Variants in PRKCH observed in about 807,000 individuals in gnomAD.
The protein encoded by PRKCH is protein kinase C eta, also known as protein kinase C eta type.
Under a neutral mutation model 82.5 loss-of-function variants are expected in PRKCH, and 28 were observed. The ratio of observed to expected loss-of-function variants is 0.34; its 90% CI spans 0.25 to 0.47. PRKCH has a LOEUF of 0.47. Ranked by LOEUF, PRKCH falls within the 20% of genes least tolerant of loss-of-function variation. PRKCH has a pLI of 1.00. For missense variants in PRKCH, 705 were observed against 881.8 expected (o/e 0.80, Z 2.54); for synonymous variants, 322 against 327.4 (o/e 0.98, Z 0.18).
intron 1 of PRKCH, among the ~76,000 whole-genome samples, chr14:61,202,612 A>G (rs1165459184): frequency 1.3e-5 from 2 of 152,110 alleles, no homozygotes; most frequent in African/African-American, 4.8e-5. Context: ...TTTTGGTGCT[A>G]TGGACATTTA....
chr14:61,528,973 C>CGTGTGTGTAT (rs2043008217), intron 10 of PRKCH, 102 bp from the exon 11 acceptor site: 2 of 567,222 alleles, frequency 3.5e-6, no homozygotes, highest in Non-Finnish European at 5.2e-6. Flanking sequence ...TGTGGCCGCA[C>CGTGTGTGTAT]GTGTGTGTGT....
intron 1 of PRKCH, among the ~76,000 whole-genome samples, chr14:61,287,163 C>A (rs1171586975): frequency 7.5e-6 from 1 of 133,438 alleles, no homozygotes; most frequent in East Asian, 2.3e-4. Flanking sequence ...TGAGATCACA[C>A]CACTGCACTT....
chr14:61,549,324 A>G (rs374260514), intron 13 of PRKCH, among the ~76,000 whole-genome samples: 150 of 152,362 alleles, frequency 9.8e-4, no homozygotes, highest in Middle Eastern at 3.4e-3. Context: ...TGACAAATAC[A>G]GCTGCACACC....
intron 10 of PRKCH, among the ~76,000 whole-genome samples, chr14:61,496,684 G>A (rs562783552): frequency 6.6e-6 from 1 of 152,316 alleles, no homozygotes; most frequent in South Asian, 2.1e-4. Flanking sequence ...GACTGTGGCT[G>A]TCCAAGCCCA....
At chr14:61,347,209 A>C (rs1306547204) in intron 1 of PRKCH, among the ~76,000 whole-genome samples, 1 of 152,214 alleles carries the variant, frequency 6.6e-6, no homozygotes, top group Non-Finnish European at 1.5e-5. Context: ...TGCCAAGCTA[A>C]AGGAGGGAAT....
At chr14:61,350,382 T>G (rs1473586033) in intron 1 of PRKCH, among the ~76,000 whole-genome samples, 1 of 152,190 alleles carries the variant, frequency 6.6e-6, no homozygotes, top group Non-Finnish European at 1.5e-5. Context: ...ATACAAAACA[T>G]AGAGAAGAGA....
At chr14:61,333,257 A>G (rs2045812814) in intron 1 of PRKCH, among the ~76,000 whole-genome samples, 2 of 152,218 alleles carry the variant, frequency 1.3e-5, no homozygotes, top group South Asian at 2.1e-4. Flanking sequence ...GATGAGAGCT[A>G]TGGAGCTGTT....
rs117376043 is a variant in PRKCH at position 61,310,899 on chromosome 14, G to A, written c.-19+123231G>A. The stretch of plus-strand genomic sequence containing the variant: ...ACTTCTGTGCACCTGCAGGCCCAAC[G>A]CCAAGTGGAAGCTGCCAAGGCTTGG... On this transcript the variant is annotated intron_variant, in intron 1 of 3. Coordinates refer to the PRKCH transcript ENST00000555185. Among the ~76,000 whole-genome samples the A allele has an allele frequency of 7.1e-3, 1,084 of 152,328 alleles. 42 individuals are homozygous for A. The East Asian group carries it at 0.096, about 13-fold the overall frequency.
intron 1 of PRKCH, among the ~76,000 whole-genome samples, chr14:61,246,819 C>T (rs2044888302): frequency 6.6e-6 from 1 of 152,292 alleles, no homozygotes; most frequent in East Asian, 1.9e-4. Context: ...AACTCCTGGG[C>T]TCAAGCAATC....
At chr14:61,391,158 ATTGT>A (rs2046673918) in intron 1 of PRKCH, 63 bp from the exon 2 acceptor site, 12 of 1,355,060 alleles carry the variant, frequency 8.9e-6, no homozygotes, top group East Asian at 7.7e-5. Context: ...TCTGTGATGA[ATTGT>A]TTAAGGCCCA....
At chr14:61,413,553 C>G (rs1882396123) in intron 2 of PRKCH, among the ~76,000 whole-genome samples, 1 of 152,074 alleles carries the variant, frequency 6.6e-6, no homozygotes, top group African/African-American at 2.4e-5. Flanking sequence ...GAGTCCTTAG[C>G]CTCTGTTCCA....
At chr14:61,473,078 A>G (rs1355252981) in intron 9 of PRKCH, among the ~76,000 whole-genome samples, 1 of 152,140 alleles carries the variant, frequency 6.6e-6, no homozygotes, top group Non-Finnish European at 1.5e-5. Context: ...ATGAATAGGG[A>G]TCTTATAGTC....
At chr14:61,367,086 G>C (rs1031665292) in intron 1 of PRKCH, among the ~76,000 whole-genome samples, 2 of 152,024 alleles carry the variant, frequency 1.3e-5, no homozygotes, top group Non-Finnish European at 1.5e-5. Context: ...GTTATATGCA[G>C]GACTTTTTCT....
At chr14:61,513,307 T>C (rs1339725318) in intron 10 of PRKCH, among the ~76,000 whole-genome samples, 1 of 152,210 alleles carries the variant, frequency 6.6e-6, no homozygotes, top group Non-Finnish European at 1.5e-5. Flanking sequence ...AGGTACCTTG[T>C]TCTGGGGCTA....
intron 10 of PRKCH, among the ~76,000 whole-genome samples, chr14:61,520,087 A>AAG (rs1555395379): frequency 1.3e-5 from 2 of 151,946 alleles, no homozygotes; most frequent in African/African-American, 2.4e-5. Context: ...AAAAAAAAAA[A>AAG]AAAGAAAGAA....
intron 1 of PRKCH, among the ~76,000 whole-genome samples, chr14:61,197,497 G>A (rs141212675): frequency 6.6e-6 from 1 of 152,206 alleles, no homozygotes; most frequent in South Asian, 2.1e-4. Context: ...CCAAGGCAGT[G>A]CAGGGCATCA....
intron 1 of PRKCH, among the ~76,000 whole-genome samples, chr14:61,210,159 T>TAA (rs1255573151): frequency 3.9e-5 from 4 of 101,382 alleles, no homozygotes; most frequent in Admixed American, 1.0e-4. Context: ...TATATATATA[T>TAA]ATAAATTAGC....
At chr14:61,380,351 C>G (rs1440894995) in intron 1 of PRKCH, among the ~76,000 whole-genome samples, 1 of 152,174 alleles carries the variant, frequency 6.6e-6, no homozygotes, top group African/African-American at 2.4e-5. Context: ...CTTGGCCTCC[C>G]AAAGTGTTGG....
chr14:61,349,138 G>C (rs1237424477), intron 1 of PRKCH, among the ~76,000 whole-genome samples: 1 of 152,160 alleles, frequency 6.6e-6, no homozygotes, highest in Non-Finnish European at 1.5e-5. Flanking sequence ...TGTTTATCTT[G>C]TTTCCTTTTG....
Sources: gnomAD v4.1 joint callset for allele counts (sites outside exome capture counted in the v4.1 genomes callset) on GRCh38, gnomAD v4.1.1 for gene constraint, MANE v1.5 for transcripts, NCBI Gene and HGNC (gene_info 2026-07-23, HGNC 2026-07-21) for gene names.